Variants in NLGN1 observed in about 807,000 individuals in gnomAD.
The protein encoded by NLGN1 is neuroligin-1.
In NLGN1, 12 loss-of-function variants were observed where a neutral mutation model predicts 65.5. That is an observed-to-expected ratio of 0.18 (90% CI 0.12 to 0.30). NLGN1 has a LOEUF of 0.30. NLGN1 is among the 10% of genes least tolerant of loss of function. NLGN1 has a pLI of 1.00. For synonymous variants in NLGN1, 350 were observed against 359.5 expected (o/e 0.97, Z 0.30); for missense variants, 750 against 1,007.1 (o/e 0.74, Z 3.46).
chr3:174,044,593 G>C (rs931789861), intron 4 of NLGN1, among the ~76,000 whole-genome samples: 4 of 152,062 alleles, frequency 2.6e-5, no homozygotes, highest in African/African-American at 7.2e-5. Context: ...GACCACCTCA[G>C]CCTCTCAGCC....
At chr3:173,593,560 G>A (rs772549654) in intron 2 of NLGN1, among the ~76,000 whole-genome samples, 47 of 152,166 alleles carry the variant, frequency 3.1e-4, no homozygotes, top group Non-Finnish European at 6.3e-4. Context: ...TGAAGGACTA[G>A]GGAAGGAAGT....
chr3:173,535,027 C>G (rs1434681509), intron 2 of NLGN1, among the ~76,000 whole-genome samples: 1 of 152,164 alleles, frequency 6.6e-6, no homozygotes, highest in Non-Finnish European at 1.5e-5. Flanking sequence ...ACCACTCTCC[C>G]CCAATCACAG....
intron 4 of NLGN1, among the ~76,000 whole-genome samples, chr3:174,155,476 G>C (rs1456967617): frequency 6.6e-6 from 1 of 151,800 alleles, no homozygotes; most frequent in Admixed American, 6.6e-5. Context: ...TGAAGCATTC[G>C]TAACAATGTA....
At chr3:174,074,115 C>T (rs975455094) in intron 4 of NLGN1, among the ~76,000 whole-genome samples, 1 of 152,050 alleles carries the variant, frequency 6.6e-6, no homozygotes, top group Non-Finnish European at 1.5e-5. Flanking sequence ...GTAACATAAG[C>T]TTGTTTGGAA....
intron 3 of NLGN1, among the ~76,000 whole-genome samples, chr3:173,656,524 T>G: frequency 6.7e-6 from 1 of 149,402 alleles, no homozygotes; most frequent in East Asian, 1.9e-4. Context: ...GGTGTTTGGT[T>G]TTGGATTATT....
At chr3:173,895,632 A>G (rs1212053290) in intron 4 of NLGN1, among the ~76,000 whole-genome samples, 1 of 152,024 alleles carries the variant, frequency 6.6e-6, no homozygotes. Context: ...GATAGACAGA[A>G]TAATTTTCCC....
At chr3:174,099,466 C>A (rs1711894185) in intron 4 of NLGN1, among the ~76,000 whole-genome samples, 1 of 152,102 alleles carries the variant, frequency 6.6e-6, no homozygotes, top group Non-Finnish European at 1.5e-5. Flanking sequence ...AGTTTCACTG[C>A]AAAAATAGAC....
At chr3:173,975,033 G>GAGA (rs1560758178) in intron 4 of NLGN1, among the ~76,000 whole-genome samples, 2 of 152,158 alleles carry the variant, frequency 1.3e-5, no homozygotes, top group African/African-American at 4.8e-5. Flanking sequence ...TAGAGACAGA[G>GAGA]AGAAGATTGG....
chr3:174,242,565 G>C (rs1233363978), intron 4 of NLGN1, among the ~76,000 whole-genome samples: 1 of 152,022 alleles, frequency 6.6e-6, no homozygotes, highest in Admixed American at 6.6e-5. Context: ...ACCCAATTAT[G>C]AAGTGTGCAT....
At chr3:173,707,031 T>G (rs1157560427) in intron 3 of NLGN1, among the ~76,000 whole-genome samples, 2 of 152,244 alleles carry the variant, frequency 1.3e-5, no homozygotes, top group Non-Finnish European at 2.9e-5. Context: ...ACTTATATGG[T>G]GCCTTATACA....
At chr3:173,921,701 G>C (rs1468926701) in intron 4 of NLGN1, among the ~76,000 whole-genome samples, 1 of 152,084 alleles carries the variant, frequency 6.6e-6, no homozygotes, top group East Asian at 1.9e-4. Flanking sequence ...CTTGAAATGA[G>C]CTGAACCCTC....
chr3:173,567,726 A>C (rs958703065), intron 2 of NLGN1, among the ~76,000 whole-genome samples: 3 of 151,900 alleles, frequency 2.0e-5, no homozygotes, highest in African/African-American at 7.2e-5. Flanking sequence ...TATTGTGAGG[A>C]GCATATTTCC....
intron 3 of NLGN1, among the ~76,000 whole-genome samples, chr3:173,695,327 T>C (rs1766050540): frequency 6.6e-6 from 1 of 152,178 alleles, no homozygotes; most frequent in Non-Finnish European, 1.5e-5. Context: ...AAAATCCATT[T>C]GTTAATAGGT....
At chr3:174,239,550 TTTG>T (rs1443553050) in intron 4 of NLGN1, among the ~76,000 whole-genome samples, 1 of 152,236 alleles carries the variant, frequency 6.6e-6, no homozygotes, top group African/African-American at 2.4e-5. Flanking sequence ...ATACATTTCT[TTTG>T]TTGTTGTTAC....
intron 3 of NLGN1, among the ~76,000 whole-genome samples, chr3:173,684,597 T>C (rs1302131244): frequency 6.6e-6 from 1 of 152,188 alleles, no homozygotes; most frequent in East Asian, 1.9e-4. Flanking sequence ...TTAAAATGTG[T>C]TGAAGTGGTC....
intron 5 of NLGN1, 77 bp downstream of exon 5, chr3:174,275,604 A>C: frequency 2.4e-6 from 2 of 841,210 alleles, no homozygotes; most frequent in Non-Finnish European, 4.0e-6. Flanking sequence ...GATGCTCTGT[A>C]TATTTCTCTG....
chr3:174,235,652 GT>G (rs1234573606), intron 4 of NLGN1, among the ~76,000 whole-genome samples: 4 of 152,076 alleles, frequency 2.6e-5, no homozygotes, highest in African/African-American at 7.2e-5. Flanking sequence ...ATCTATTTAT[GT>G]TGTTTGTGAT....
intron 1 of NLGN1, among the ~76,000 whole-genome samples, chr3:173,433,331 C>G (rs1246837078): frequency 6.6e-6 from 1 of 152,156 alleles, no homozygotes; most frequent in African/African-American, 2.4e-5. Flanking sequence ...CTCATTCTGC[C>G]AATCCCCTGT....
intron 4 of NLGN1, among the ~76,000 whole-genome samples, chr3:173,970,983 A>G (rs1716099791): frequency 6.6e-6 from 1 of 152,134 alleles, no homozygotes; most frequent in Non-Finnish European, 1.5e-5. Context: ...GTGGAAATCC[A>G]ATGGAATCCA....
Sources: allele counts gnomAD v4.1 joint callset (sites outside exome capture counted in the v4.1 genomes callset), GRCh38; gene constraint gnomAD v4.1.1; transcripts MANE v1.5; gene names NCBI Gene and HGNC (gene_info 2026-07-23, HGNC 2026-07-21).